Variants in NCAM2 observed in about 807,000 individuals in gnomAD.
NCAM2 encodes the protein neural cell adhesion molecule 2.
A neutral mutation model predicts 98.1 loss-of-function variants in NCAM2; 30 were observed. The ratio of observed to expected loss-of-function variants is 0.31; its 90% CI spans 0.23 to 0.41. The LOEUF (loss-of-function observed/expected upper bound fraction) is 0.41. Ranked by LOEUF, NCAM2 falls within the 10% of genes least tolerant of loss-of-function variation. NCAM2 has a pLI of 1.00. For missense variants in NCAM2, 867 were observed against 1,005.8 expected (o/e 0.86, Z 1.87); for synonymous variants, 368 against 342.4 (o/e 1.07, Z -0.83).
intron 8 of NCAM2, among the ~76,000 whole-genome samples, chr21:21,341,946 G>A (rs1289726109): frequency 1.3e-5 from 2 of 151,998 alleles, no homozygotes; most frequent in Non-Finnish European, 2.9e-5. Flanking sequence ...GTTCTCTTTG[G>A]GGTGGTCCTT....
chr21:21,449,417 C>A (rs1980682745), intron 12 of NCAM2, among the ~76,000 whole-genome samples: 1 of 151,620 alleles, frequency 6.6e-6, no homozygotes, highest in Non-Finnish European at 1.5e-5. Flanking sequence ...AACATACACT[C>A]TTAAGGCAAA....
intron 9 of NCAM2, among the ~76,000 whole-genome samples, chr21:21,384,737 A>C (rs1024904892): frequency 2.0e-5 from 3 of 152,044 alleles, no homozygotes; most frequent in Non-Finnish European, 4.4e-5. Context: ...AAATTCACTT[A>C]TGGTAAATTA....
chr21:21,487,903 A>G (rs1986525070), intron 15 of NCAM2, among the ~76,000 whole-genome samples: 1 of 152,078 alleles, frequency 6.6e-6, no homozygotes, highest in Non-Finnish European at 1.5e-5. Flanking sequence ...ATTTTTGTTC[A>G]TTTCTTTCCT....
intron 1 of NCAM2, among the ~76,000 whole-genome samples, chr21:21,070,829 C>T (rs910796001): frequency 6.6e-6 from 1 of 152,068 alleles, no homozygotes; most frequent in African/African-American, 2.4e-5. Flanking sequence ...AGTAGTCAGT[C>T]TAGCTAGGAA....
At chr21:21,175,972 CAG>C (rs2068273978) in intron 1 of NCAM2, among the ~76,000 whole-genome samples, 1 of 152,150 alleles carries the variant, frequency 6.6e-6, no homozygotes, top group South Asian at 2.1e-4. Context: ...TGGTTTAAAA[CAG>C]AAATGCCTGC....
chr21:21,477,238 G>T lies in NCAM2; in HGVS notation c.1897-53G>T, dbSNP rs920454092. Reference sequence around the variant, plus strand: ...ATTCCAATATAATTTTTTTAAAAAGGTGTCACTTTAGTGTATGGATATTTA... The same window carrying T: ...ATTCCAATATAATTTTTTTAAAAAGTTGTCACTTTAGTGTATGGATATTTA... On this transcript the variant is annotated intron_variant, in intron 14 of 17. Transcript: ENST00000400546. 11 of 1,350,504 alleles carry T rather than the reference G, an allele frequency of 8.1e-6. No homozygotes were observed. In the East Asian group the frequency reaches 1.2e-4, roughly 15 times the overall value. 83.7% of individuals were successfully genotyped at this position (1,350,504 alleles called of 1,614,324 possible).
At chr21:21,459,748 G>T (rs1602406783) in intron 12 of NCAM2, among the ~76,000 whole-genome samples, 1 of 151,746 alleles carries the variant, frequency 6.6e-6, no homozygotes, top group East Asian at 1.9e-4. Context: ...GTGAAGAAAT[G>T]TTGGTCAAGG....
At chr21:21,184,659 G>GTTAA (rs1202586432) in intron 1 of NCAM2, among the ~76,000 whole-genome samples, 2 of 152,092 alleles carry the variant, frequency 1.3e-5, no homozygotes, top group Non-Finnish European at 2.9e-5. Context: ...ATTGGAAAGA[G>GTTAA]TTAATATTCA....
chr21:21,031,078 T>A (rs972130853), intron 1 of NCAM2, among the ~76,000 whole-genome samples: 2 of 152,182 alleles, frequency 1.3e-5, no homozygotes, highest in Admixed American at 6.5e-5. Context: ...TTATTCTTTT[T>A]GAAAAATTTT....
At position 21,317,704 on chromosome 21, in the gene NCAM2, T is replaced by C. The variant is rs1317029060; in HGVS notation, c.620-6679T>C. ...CACACCATCCTATCCTGCTAATTTTTTCTATTTTTTTGTAGCGACAGGCTC... is the reference window on the plus strand; with the variant it reads ...CACACCATCCTATCCTGCTAATTTTCTCTATTTTTTTGTAGCGACAGGCTC... On this transcript the variant is annotated intron_variant, in intron 5 of 17. Coordinates refer to ENST00000400546, the MANE Select transcript of NCAM2 (RefSeq NM_004540.5). 2.0e-5 allele frequency among the ~76,000 whole-genome samples: 3 copies of C among 152,152 alleles called. No homozygotes were observed. The East Asian group carries it at 5.8e-4, about 29-fold the overall frequency.
chr21:21,474,549 T>C (rs1984901253), intron 14 of NCAM2, among the ~76,000 whole-genome samples: 4 of 152,222 alleles, frequency 2.6e-5, no homozygotes, highest in African/African-American at 7.2e-5. Flanking sequence ...TGGCTTATTT[T>C]CTGGCTCTTT....
chr21:21,006,336 G>A (rs756067071), intron 1 of NCAM2, among the ~76,000 whole-genome samples: 3 of 151,986 alleles, frequency 2.0e-5, no homozygotes, highest in Non-Finnish European at 4.4e-5. Flanking sequence ...GCAAATCTCC[G>A]TCTTTACCAA....
chr21:21,129,941 A>G (rs926657081), intron 1 of NCAM2, among the ~76,000 whole-genome samples: 2 of 152,156 alleles, frequency 1.3e-5, no homozygotes, highest in East Asian at 3.9e-4. Context: ...AGAATACATT[A>G]TTTTTTGCCT....
intron 1 of NCAM2, among the ~76,000 whole-genome samples, chr21:21,257,332 T>G (rs1240660149): frequency 6.6e-6 from 1 of 152,132 alleles, no homozygotes; most frequent in Non-Finnish European, 1.5e-5. Flanking sequence ...AAGAACGAAA[T>G]AAACTGTTTA....
intron 1 of NCAM2, among the ~76,000 whole-genome samples, chr21:21,052,178 G>A (rs1327255122): frequency 2.1e-4 from 23 of 110,442 alleles, no homozygotes; most frequent in African/African-American, 7.0e-4. Context: ...TTTTTTTTGA[G>A]ACGGAGTCTC....
chr21:21,022,426 C>T (rs144138986), intron 1 of NCAM2, among the ~76,000 whole-genome samples: 6 of 152,110 alleles, frequency 3.9e-5, no homozygotes, highest in African/African-American at 7.2e-5. Flanking sequence ...TCCTGCCTAA[C>T]TAAATTATTT....
At position 21,537,940 on chromosome 21, in the gene NCAM2, G is replaced by A; in HGVS notation, c.2497G>A (p.Asp833Asn). The change falls in exon 18 of 18, where the codon GAC (aspartate) becomes AAC (asparagine). Residue 833 changes from aspartate to asparagine, a missense_variant. Physicochemically the swap from Asp to Asn is conservative, Grantham distance 23. Coordinates refer to ENST00000400546, the MANE Select transcript of NCAM2 (RefSeq NM_004540.5). ...VSNDIIQSKEDDSKA is the reference protein window; with the variant it reads ...VSNDIIQSKENDSKA The stretch of plus-strand genomic sequence containing the variant: ...TAACGACATCATTCAATCAAAAGAA[G>A]ACGACAGCAAAGCATAACAACAATA... The A allele has an allele frequency of 6.4e-7, 1 of 1,555,318 alleles. No homozygotes were observed. The highest frequency in any genetic ancestry group is 8.7e-7 in the Non-Finnish European group (1 of 1,144,516).
chr21:21,405,130 C>G (rs1355519889), intron 9 of NCAM2, among the ~76,000 whole-genome samples: 1 of 151,756 alleles, frequency 6.6e-6, no homozygotes, highest in African/African-American at 2.4e-5. Flanking sequence ...TTTAGACTAT[C>G]AAGATATTTT....
At chr21:21,469,419 C>T (rs1490466233) in intron 14 of NCAM2, among the ~76,000 whole-genome samples, 1 of 151,932 alleles carries the variant, frequency 6.6e-6, no homozygotes, top group Non-Finnish European at 1.5e-5. Flanking sequence ...TTTCAAAAGC[C>T]ACTGAAAATA....
Sources: allele counts gnomAD v4.1 joint callset (sites outside exome capture counted in the v4.1 genomes callset), GRCh38; gene constraint gnomAD v4.1.1; transcripts MANE v1.5; gene names NCBI Gene and HGNC (gene_info 2026-07-23, HGNC 2026-07-21).